The following WDR20 variants were observed in gnomAD, a reference collection of about 807,000 sequenced individuals.
WDR20 encodes the protein WD repeat domain 20.
A neutral mutation model predicts 38.7 loss-of-function variants in WDR20; 3 were observed. The observed-to-expected ratio is 0.08, with a 90% CI of 0.04 to 0.20. WDR20 has a LOEUF of 0.20. Ranked by LOEUF, WDR20 falls within the 10% of genes least tolerant of loss-of-function variation. WDR20 has a pLI of 1.00. For missense variants in WDR20, 559 were observed against 727.7 expected (o/e 0.77, Z 2.67); for synonymous variants, 298 against 285.6 (o/e 1.04, Z -0.44).
chr14:102,173,098 G>GTTTTTTATTTTTA (rs552298042), intron 1 of WDR20, among the ~76,000 whole-genome samples: 157 of 151,808 alleles, frequency 1.0e-3, no homozygotes, highest in African/African-American at 3.6e-3. Context: ...GGGATGGCCT[G>GTTTTTTATTTTTA]TTTTTTATTT....
rs534503694 is a variant in WDR20 at position 102,151,173 on chromosome 14, ATT to A, written c.249+11025_249+11026del. On this transcript the variant is annotated intron_variant, in intron 1 of 2. Transcript: ENST00000342702. ...TCTCTTCAAAACCATCCATTGGGGA[ATT>A]TTTTTTTTTTTTTTTTTTTTTTTGT... Among the ~76,000 whole-genome samples the A allele has an allele frequency of 6.6e-3, 732 of 111,474 alleles. 3 individuals carry two copies. Among genetic ancestry groups the A allele is most frequent in the African/African-American group, 0.016 (406 of 25,438 alleles). The allele number at this position is 111,474 out of a possible 152,430, so 73.1% of individuals were successfully genotyped here. A position where few individuals can be genotyped will look rare whatever the true frequency, so the allele number is the denominator to read the frequency against.
downstream of WDR20, among the ~76,000 whole-genome samples, chr14:102,211,693 G>C (rs561613115): frequency 2.0e-5 from 3 of 152,202 alleles, no homozygotes; most frequent in Non-Finnish European, 2.9e-5. The surrounding 1 kb of genome is among the most constrained non-coding windows in gnomAD (Gnocchi z 4.2). Context: ...GACAGTTTCC[G>C]CTTTGGAGGC....
chr14:102,197,804 A>G, intron 2 of WDR20: 1 of 702,876 alleles, frequency 1.4e-6, no homozygotes, highest in South Asian at 1.5e-5. Context: ...GAAAGACAGA[A>G]TGAAGGTAGC....
chr14:102,224,837 A>T (rs79483816), downstream of WDR20: 2,902 of 455,496 alleles, frequency 6.4e-3, 18 homozygotes, highest in South Asian at 8.7e-3. Flanking sequence ...TTGCTGTTCT[A>T]AATGAAAGAA....
At chr14:102,177,200 G>A (rs1262578488) in intron 1 of WDR20, among the ~76,000 whole-genome samples, 2 of 152,176 alleles carry the variant, frequency 1.3e-5, no homozygotes, top group African/African-American at 4.8e-5. Context: ...TATTGAACTA[G>A]CTGAGCTGAG....
At position 102,140,150 on chromosome 14, in the gene WDR20, A is replaced by G. The variant is rs762530317; in HGVS notation, c.227A>G (p.Tyr76Cys). 2.7e-5 allele frequency: 44 copies of G among 1,613,378 alleles called. No homozygotes were observed. Among genetic ancestry groups the G allele is most frequent in the African/African-American group, 1.2e-4 (9 of 74,886 alleles). Reference protein sequence around the residue: ...CFNVGRELYFYIYKGVRKAAD... With the variant: ...CFNVGRELYFCIYKGVRKAAD... ...AATGTGGGCCGGGAGCTGTACTTCT[A>G]TATCTACAAGGGGGTCCGCAAGGTA... The change falls in exon 1 of 3, where the codon TAT becomes TGT. Residue 76 changes from tyrosine (Y) to cysteine (C), a missense_variant. Transcript: ENST00000342702.
chr14:102,152,483 C>T (rs138762186), intron 1 of WDR20, among the ~76,000 whole-genome samples: 2,594 of 149,940 alleles, frequency 0.017, 51 homozygotes, highest in South Asian at 0.097. Flanking sequence ...GGGGTGATCT[C>T]GGCTCACTGC....
chr14:102,142,961 C>T (rs936822709), intron 1 of WDR20, among the ~76,000 whole-genome samples: 1 of 151,918 alleles, frequency 6.6e-6, no homozygotes, highest in Non-Finnish European at 1.5e-5. Flanking sequence ...TGAGAGGAAA[C>T]ATGGGGTCCT....
intron 1 of WDR20, among the ~76,000 whole-genome samples, chr14:102,182,705 TTATA>T (rs2063644486): frequency 6.6e-6 from 1 of 151,856 alleles, no homozygotes; most frequent in Non-Finnish European, 1.5e-5. Flanking sequence ...TATTAAAAAA[TTATA>T]TATAATATAT....
intron 1 of WDR20, among the ~76,000 whole-genome samples, chr14:102,148,468 A>G (rs1446858305): frequency 6.6e-6 from 1 of 151,080 alleles, no homozygotes; most frequent in East Asian, 2.0e-4. Flanking sequence ...GGAGCCTGGG[A>G]GGTTGAGGCT....
intron 1 of WDR20, among the ~76,000 whole-genome samples, chr14:102,147,550 G>T (rs899867495): frequency 6.6e-6 from 1 of 152,188 alleles, no homozygotes; most frequent in Non-Finnish European, 1.5e-5. Flanking sequence ...TGTAGTCAGA[G>T]TCTCTGCCCT....
At chr14:102,214,736 C>G (rs982378967), downstream of WDR20, 38 of 980,036 alleles carry the variant, frequency 3.9e-5, no homozygotes, top group South Asian at 4.7e-5. Context: ...TTCTTGACAA[C>G]TTGAATAAAT....
chr14:102,215,561 G>A (rs905313425), downstream of WDR20, among the ~76,000 whole-genome samples: 1 of 152,122 alleles, frequency 6.6e-6, no homozygotes, highest in South Asian at 2.1e-4. Context: ...CCATCAACCC[G>A]TCATCTATGT....
downstream of WDR20, chr14:102,212,791 G>A (rs1253189340): frequency 3.7e-6 from 5 of 1,338,518 alleles, no homozygotes; most frequent in South Asian, 2.0e-5. Context: ...TAGTTTTCTC[G>A]CCAAACTTTG....
At chr14:102,190,230 G>A (rs2065978607) in intron 1 of WDR20, among the ~76,000 whole-genome samples, 1 of 152,170 alleles carries the variant, frequency 6.6e-6, no homozygotes, top group Admixed American at 6.5e-5. Flanking sequence ...ATTGGATGAT[G>A]ATTGTAAAGT....
downstream of WDR20, among the ~76,000 whole-genome samples, chr14:102,223,926 C>T (rs184658192): frequency 1.5e-4 from 23 of 152,248 alleles, no homozygotes; most frequent in Non-Finnish European, 2.4e-4. Context: ...CGTTTCCATA[C>T]AACTCCGAGT....
At chr14:102,141,863 T>G (rs1417731828) in intron 1 of WDR20, among the ~76,000 whole-genome samples, 1 of 152,190 alleles carries the variant, frequency 6.6e-6, no homozygotes, top group African/African-American at 2.4e-5. Flanking sequence ...ACGATGTGCT[T>G]AAAAACTAAA....
intron 1 of WDR20, among the ~76,000 whole-genome samples, chr14:102,176,957 A>G (rs1269836816): frequency 1.3e-5 from 2 of 151,840 alleles, no homozygotes; most frequent in South Asian, 2.1e-4. Context: ...TGCACTCCCA[A>G]CCTCAGGTGA....
chr14:102,158,762 T>C (rs1039498574), intron 1 of WDR20, among the ~76,000 whole-genome samples: 1 of 152,124 alleles, frequency 6.6e-6, no homozygotes, highest in Admixed American at 6.6e-5. Flanking sequence ...CTGTACCGGA[T>C]GCCTTCCCTT....
Sources: allele counts gnomAD v4.1 joint callset (sites outside exome capture counted in the v4.1 genomes callset), GRCh38; gene constraint gnomAD v4.1.1; non-coding constraint Gnocchi (gnomAD v3.1); transcripts MANE v1.5; gene names NCBI Gene and HGNC (gene_info 2026-07-23, HGNC 2026-07-21).